The following ROBO1 variants were observed in gnomAD, a reference collection of about 807,000 sequenced individuals.
ROBO1 encodes roundabout guidance receptor 1.
A neutral mutation model predicts 195.9 loss-of-function variants in ROBO1; 149 were observed. That is an observed-to-expected ratio of 0.76 (90% CI 0.67 to 0.87). The LOEUF is 0.87. Among genes scored for constraint, ROBO1 ranks in the 40% least tolerant of loss-of-function variants. ROBO1 has a pLI of 0.00. For missense variants in ROBO1, 1,933 were observed against 2,068.3 expected (o/e 0.93, Z 1.27); for synonymous variants, 816 against 733.2 (o/e 1.11, Z -1.82).
chr3:78,628,454 C>A (rs1327602379), intron 25 of ROBO1, among the ~76,000 whole-genome samples: 6 of 152,270 alleles, frequency 3.9e-5, no homozygotes, highest in African/African-American at 1.4e-4. Context: ...ATGCCCTACT[C>A]CTCTGCTGGA....
chr3:79,290,354 A>T (rs1178236057), intron 2 of ROBO1, among the ~76,000 whole-genome samples: 1 of 151,464 alleles, frequency 6.6e-6, no homozygotes, highest in Admixed American at 6.6e-5. Context: ...ATATCTAACC[A>T]TTTGCCTCGT....
At chr3:79,112,829 G>T (rs986663134) in intron 3 of ROBO1, among the ~76,000 whole-genome samples, 2 of 151,600 alleles carry the variant, frequency 1.3e-5, no homozygotes, top group African/African-American at 4.8e-5. Context: ...TGGGTTAATG[G>T]GTGCAGCACA....
chr3:78,722,594 T>C (rs1000676382), intron 5 of ROBO1, among the ~76,000 whole-genome samples: 1 of 152,108 alleles, frequency 6.6e-6, no homozygotes, highest in African/African-American at 2.4e-5. Flanking sequence ...TAAGGTCAAC[T>C]AAATAGCACC....
chr3:78,889,718 A>G (rs1233788839), intron 4 of ROBO1, among the ~76,000 whole-genome samples: 1 of 152,068 alleles, frequency 6.6e-6, no homozygotes, highest in East Asian at 1.9e-4. Flanking sequence ...CAAGAAAAAA[A>G]AAAAAAAAAA....
intron 4 of ROBO1, among the ~76,000 whole-genome samples, chr3:78,849,067 G>A (rs2033861908): frequency 6.6e-6 from 1 of 152,114 alleles, no homozygotes; most frequent in African/African-American, 2.4e-5. Flanking sequence ...GACATCATGG[G>A]ATTGAAGTTG....
At chr3:79,005,683 C>A (rs1384774739) in intron 3 of ROBO1, among the ~76,000 whole-genome samples, 1 of 152,136 alleles carries the variant, frequency 6.6e-6, no homozygotes, top group East Asian at 1.9e-4. Flanking sequence ...CACAGAAATG[C>A]TAGATATGCT....
intron 29 of ROBO1, among the ~76,000 whole-genome samples, chr3:78,604,496 A>G (rs1256568971): frequency 6.6e-6 from 1 of 152,242 alleles, no homozygotes; most frequent in Non-Finnish European, 1.5e-5. Context: ...CACTGAGTCA[A>G]AAGTTCAGAG....
At chr3:79,466,604 A>C (rs1294748964) in intron 2 of ROBO1, among the ~76,000 whole-genome samples, 1 of 152,166 alleles carries the variant, frequency 6.6e-6, no homozygotes, top group Non-Finnish European at 1.5e-5. Context: ...TAGTAGATTC[A>C]AGTGGATCTT....
chr3:78,990,349 C>T (rs374058004), intron 3 of ROBO1, among the ~76,000 whole-genome samples: 1 of 152,098 alleles, frequency 6.6e-6, no homozygotes, highest in South Asian at 2.1e-4. Context: ...AGTGTCCCTG[C>T]CAAAAGTTTG....
At chr3:78,907,119 A>G (rs2037969363) in intron 4 of ROBO1, among the ~76,000 whole-genome samples, 1 of 152,098 alleles carries the variant, frequency 6.6e-6, no homozygotes, top group South Asian at 2.1e-4. Context: ...AGATTTTTAA[A>G]GGTTAGTGTC....
At chr3:79,452,673 T>C (rs980468617) in intron 2 of ROBO1, among the ~76,000 whole-genome samples, 10 of 152,146 alleles carry the variant, frequency 6.6e-5, no homozygotes, top group African/African-American at 2.4e-4. Flanking sequence ...AAAATTGGTA[T>C]ATTAATAAGT....
intron 2 of ROBO1, among the ~76,000 whole-genome samples, chr3:79,257,813 C>A (rs1430340863): frequency 6.6e-6 from 1 of 152,042 alleles, no homozygotes; most frequent in African/African-American, 2.4e-5. Context: ...TGTTTCTTTT[C>A]ACCTTAGGAT....
At chr3:78,664,091 G>A (rs1445985903) in intron 14 of ROBO1, among the ~76,000 whole-genome samples, 1 of 152,146 alleles carries the variant, frequency 6.6e-6, no homozygotes, top group Non-Finnish European at 1.5e-5. Flanking sequence ...AATGTTCACA[G>A]CAGAGAGAAA....
At chr3:79,757,160 T>A (rs1186180841) in intron 1 of ROBO1, among the ~76,000 whole-genome samples, 1 of 152,226 alleles carries the variant, frequency 6.6e-6, no homozygotes, top group Admixed American at 6.5e-5. Flanking sequence ...CTGCTTTTAG[T>A]TCTTGTGATA....
intron 26 of ROBO1, among the ~76,000 whole-genome samples, chr3:78,620,883 A>ATATGTG (rs368794312): frequency 0.029 from 4,153 of 144,624 alleles, 89 homozygotes; most frequent in Non-Finnish European, 0.041. Flanking sequence ...ATATATATAT[A>ATATGTG]TGTGTGTGTG....
At chr3:79,135,723 C>T (rs535610381) in intron 2 of ROBO1, among the ~76,000 whole-genome samples, 186 of 151,876 alleles carry the variant, frequency 1.2e-3, no homozygotes, top group African/African-American at 4.2e-3. Context: ...CCGCAACTTT[C>T]GCCTCCTGGG....
chr3:79,628,279 T>C (rs1010172818), intron 1 of ROBO1, among the ~76,000 whole-genome samples: 15 of 152,152 alleles, frequency 9.9e-5, no homozygotes, highest in African/African-American at 3.6e-4. Context: ...CAATGGTATA[T>C]ACACCATGGA....
At chr3:79,259,402 A>G (rs1408962263) in intron 2 of ROBO1, among the ~76,000 whole-genome samples, 1 of 151,788 alleles carries the variant, frequency 6.6e-6, no homozygotes, top group East Asian at 1.9e-4. Context: ...GGCCTCCCAT[A>G]GTGCTGGGAT....
At chr3:78,791,600 A>C (rs1185135332) in intron 4 of ROBO1, among the ~76,000 whole-genome samples, 1 of 152,168 alleles carries the variant, frequency 6.6e-6, no homozygotes, top group Non-Finnish European at 1.5e-5. Context: ...AAAGAGACTG[A>C]AATTTTTATG....
Sources: gnomAD v4.1 joint callset for allele counts (sites outside exome capture counted in the v4.1 genomes callset) on GRCh38, gnomAD v4.1.1 for gene constraint, MANE v1.5 for transcripts, NCBI Gene and HGNC (gene_info 2026-07-23, HGNC 2026-07-21) for gene names.